CSMD1: variants seen among roughly 807,000 people sequenced by gnomAD.
The protein encoded by CSMD1 is CUB and Sushi multiple domains 1, also known as CUB and sushi domain-containing protein 1.
CSMD1 carries 213 observed loss-of-function variants against 417.5 expected under a neutral mutation model. The observed-to-expected ratio is 0.51, with a 90% CI of 0.46 to 0.57. The LOEUF (loss-of-function observed/expected upper bound fraction) is 0.57. Ranked by LOEUF, CSMD1 falls within the 20% of genes least tolerant of loss-of-function variation. The pLI, the probability that CSMD1 is intolerant of heterozygous loss-of-function variation, is 0.00. For synonymous variants in CSMD1, 2,862 were observed against 1,736.8 expected (o/e 1.65, Z -16.11); for missense variants, 6,923 against 4,529.7 (o/e 1.53, Z -15.17).
intron 10 of CSMD1, among the ~76,000 whole-genome samples, chr8:3,518,931 T>C (rs568631979): frequency 6.6e-6 from 1 of 152,232 alleles, no homozygotes. Context: ...CTCCTCATAT[T>C]GTCCCTTTTA....
intron 37 of CSMD1, among the ~76,000 whole-genome samples, chr8:3,171,654 C>T (rs796367942): frequency 8.5e-5 from 13 of 152,222 alleles, no homozygotes; most frequent in African/African-American, 2.9e-4. Flanking sequence ...GGTAGAAAAA[C>T]ATCATGAATT....
intron 51 of CSMD1, among the ~76,000 whole-genome samples, chr8:3,028,209 G>A (rs1810087565): frequency 6.6e-6 from 1 of 152,190 alleles, no homozygotes; most frequent in African/African-American, 2.4e-5. Flanking sequence ...GGCGGGAAGA[G>A]TCTAAAATAG....
intron 54 of CSMD1, among the ~76,000 whole-genome samples, chr8:2,988,294 G>C (rs1002290799): frequency 1.3e-5 from 2 of 151,916 alleles, no homozygotes; most frequent in African/African-American, 4.8e-5. Flanking sequence ...ATGTACATAA[G>C]CATATCTGGA....
chr8:3,457,414 C>G (rs1352294874), intron 12 of CSMD1, among the ~76,000 whole-genome samples: 1 of 152,192 alleles, frequency 6.6e-6, no homozygotes, highest in Non-Finnish European at 1.5e-5. Flanking sequence ...TCTGCTCACT[C>G]CCTTTCCCAA....
intron 2 of CSMD1, among the ~76,000 whole-genome samples, chr8:4,447,741 G>C (rs182293130): frequency 1.2e-4 from 19 of 152,226 alleles, no homozygotes; most frequent in East Asian, 1.9e-4. Flanking sequence ...TCCAAATTAA[G>C]ATTTAAGACT....
At chr8:2,959,544 T>C (rs1410962144) in intron 62 of CSMD1, among the ~76,000 whole-genome samples, 1 of 150,346 alleles carries the variant, frequency 6.7e-6, no homozygotes, top group Non-Finnish European at 1.5e-5. Context: ...GAAAATACAG[T>C]CTCCTTCTCA....
intron 51 of CSMD1, among the ~76,000 whole-genome samples, chr8:3,027,817 G>A (rs985154387): frequency 2.0e-5 from 3 of 152,216 alleles, no homozygotes; most frequent in Non-Finnish European, 2.9e-5. Context: ...CAGAAACACC[G>A]TTCAAGGACA....
At chr8:3,625,031 G>C (rs1480765009) in intron 7 of CSMD1, among the ~76,000 whole-genome samples, 1 of 151,594 alleles carries the variant, frequency 6.6e-6, no homozygotes, top group African/African-American at 2.4e-5. Flanking sequence ...GGATAATTTT[G>C]ATTTACAGCA....
intron 5 of CSMD1, among the ~76,000 whole-genome samples, chr8:3,933,086 CA>C (rs1696357287): frequency 6.9e-6 from 1 of 144,056 alleles, no homozygotes; most frequent in Non-Finnish European, 1.5e-5. Flanking sequence ...ACAAAAGAAA[CA>C]ACATTATTTT....
intron 5 of CSMD1, among the ~76,000 whole-genome samples, chr8:3,776,059 T>A (rs1798870218): frequency 1.3e-5 from 2 of 152,180 alleles, no homozygotes; most frequent in Admixed American, 6.5e-5. Context: ...TCAGAACCCA[T>A]ACACCTACCT....
At chr8:4,465,427 T>G (rs1800107195) in intron 2 of CSMD1, among the ~76,000 whole-genome samples, 1 of 152,134 alleles carries the variant, frequency 6.6e-6, no homozygotes, top group Admixed American at 6.6e-5. Context: ...CCTTGTACGT[T>G]CACCATTGAC....
At chr8:3,960,832 G>C (rs374345181) in intron 5 of CSMD1, among the ~76,000 whole-genome samples, 10 of 151,836 alleles carry the variant, frequency 6.6e-5, no homozygotes, top group Admixed American at 3.3e-4. Context: ...AAATTACCTT[G>C]CAATCGTAAC....
intron 26 of CSMD1, among the ~76,000 whole-genome samples, chr8:3,246,948 T>C (rs1002696667): frequency 1.7e-4 from 26 of 152,192 alleles, no homozygotes; most frequent in Non-Finnish European, 1.5e-5. Flanking sequence ...GCTTACAATT[T>C]ATTGCTTATA....
Position 4,699,237 on chromosome 8 carries a change from A to G in CSMD1, c.86-61679T>C, listed in dbSNP as rs148065770. 1.9e-3 allele frequency among the ~76,000 whole-genome samples: 287 copies of G among 152,334 alleles called. 1 individual carries two copies. Among genetic ancestry groups the G allele is most frequent in the African/African-American group, 6.6e-3 (275 of 41,578 alleles). The stretch of plus-strand genomic sequence containing the variant: ...AAATGTTTTCCTTTGCTTAAAGGAT[A>G]ACTTTCAAAGAGTTTATTCGCAATT... On this transcript the variant is annotated intron_variant, in intron 1 of 69. Transcript: ENST00000635120.
chr8:3,924,650 C>T (rs185685471), intron 5 of CSMD1, among the ~76,000 whole-genome samples: 7 of 152,220 alleles, frequency 4.6e-5, no homozygotes, highest in East Asian at 1.9e-4. Flanking sequence ...GCTGTTTAAA[C>T]ACTTCTTTAA....
intron 1 of CSMD1, among the ~76,000 whole-genome samples, chr8:4,937,234 T>C (rs62488187): frequency 7.1e-6 from 1 of 141,166 alleles, no homozygotes. Flanking sequence ...ATAAATAAAA[T>C]TATTTTTTAT....
intron 5 of CSMD1, among the ~76,000 whole-genome samples, chr8:3,989,049 A>C (rs1172098726): frequency 6.6e-6 from 1 of 152,188 alleles, no homozygotes; most frequent in Non-Finnish European, 1.5e-5. Flanking sequence ...TTTCTTTTTC[A>C]TTGTAGGGCA....
intron 3 of CSMD1, among the ~76,000 whole-genome samples, chr8:4,402,000 T>A (rs982408474): frequency 2.6e-5 from 4 of 151,948 alleles, no homozygotes; most frequent in African/African-American, 7.3e-5. Flanking sequence ...CCCTGCCACA[T>A]TCCTGCTGCT....
chr8:4,278,283 G>T (rs759530890), intron 3 of CSMD1, among the ~76,000 whole-genome samples: 2 of 152,106 alleles, frequency 1.3e-5, no homozygotes, highest in African/African-American at 2.4e-5. Flanking sequence ...GGAGTGTAAA[G>T]TTCAAGGAGG....
Sources: gnomAD v4.1 joint callset for allele counts (sites outside exome capture counted in the v4.1 genomes callset) on GRCh38, gnomAD v4.1.1 for gene constraint, MANE v1.5 for transcripts, NCBI Gene and HGNC (gene_info 2026-07-23, HGNC 2026-07-21) for gene names.